The following MEI1 variants were observed in gnomAD, a reference collection of about 807,000 sequenced individuals.
MEI1 encodes the protein meiosis inhibitor protein 1.
MEI1 carries 103 observed loss-of-function variants against 146.2 expected under a neutral mutation model. That is an observed-to-expected ratio of 0.70 (90% CI 0.60 to 0.83). The LOEUF is 0.83. MEI1 is among the 40% of genes least tolerant of loss of function. MEI1 has a pLI of 0.00. For missense variants in MEI1, 1,529 were observed against 1,533.0 expected, an observed-to-expected ratio of 1.00 and a Z score of 0.04; for synonymous variants, 652 against 628.2, an observed-to-expected ratio of 1.04 and a Z score of -0.57.
intron 11 of MEI1, among the ~76,000 whole-genome samples, chr22:41,741,958 AAAG>A (rs910559960): frequency 2.0e-5 from 3 of 151,284 alleles, no homozygotes; most frequent in Non-Finnish European, 2.9e-5. Context: ...AAAAAAAAAA[AAAG>A]AGAAAAGAAA....
At position 41,745,942 on chromosome 22, in the gene MEI1, C is replaced by T. The variant is rs779252640; in HGVS notation, c.1596C>T (p.Pro532=). Residue 532 remains proline (P), a synonymous_variant, in exon 14 of 31, where the codon CCC becomes CCT. Coordinates refer to ENST00000401548, the MANE Select transcript of MEI1 (RefSeq NM_152513.4). ...CCCAGGAGAATCCATTCACAGCTCC[C>T]AGCGCCAAGAAGGAAGACACCTTGG... ...PSAQENPFTA[P]SAKKEDTLEA... is the part of the protein sequence containing the mutation. 1,009 of 1,613,404 alleles carry T rather than the reference C, an allele frequency of 6.3e-4. 12 individuals carry two copies. The highest frequency in any genetic ancestry group is 3.5e-5 in the Non-Finnish European group (41 of 1,179,576).
At chr22:41,740,845 G>T (rs923999861) in intron 11 of MEI1, among the ~76,000 whole-genome samples, 2 of 152,040 alleles carry the variant, frequency 1.3e-5, no homozygotes, top group Non-Finnish European at 2.9e-5. Flanking sequence ...AAGGAAAGGG[G>T]AAATCAAGCC....
chr22:41,716,470 G>A (rs1221633986), intron 5 of MEI1, among the ~76,000 whole-genome samples: 1 of 143,902 alleles, frequency 6.9e-6, no homozygotes, highest in Non-Finnish European at 1.5e-5. Context: ...TCCACCTCCC[G>A]GGTTCAAGCG....
At chr22:41,729,516 G>A (rs1260623661) in intron 7 of MEI1, 149 bp from the exon 8 acceptor site, 3 of 657,208 alleles carry the variant, frequency 4.6e-6, no homozygotes, top group Non-Finnish European at 5.4e-6. Flanking sequence ...ATCCATAACT[G>A]CTCTCCTGAC....
At chr22:41,705,446 A>T in intron 2 of MEI1, 58 bp from the exon 3 acceptor site, 1 of 1,464,408 alleles carries the variant, frequency 6.8e-7, no homozygotes. Context: ...GCTGGGGTAC[A>T]GATGTGTGCC....
chr22:41,727,191 G>A (rs1474686943), intron 7 of MEI1, among the ~76,000 whole-genome samples: 2 of 151,966 alleles, frequency 1.3e-5, no homozygotes, highest in Non-Finnish European at 2.9e-5. Flanking sequence ...ATCTTTACCA[G>A]ACATTAGTAG....
intron 7 of MEI1, among the ~76,000 whole-genome samples, chr22:41,724,664 A>C (rs1056996248): frequency 4.0e-5 from 6 of 150,922 alleles, no homozygotes; most frequent in Non-Finnish European, 7.4e-5. Context: ...GGTGGTATGC[A>C]CCTGTAATCC....
At chr22:41,785,697 G>A (rs1470653048) in intron 26 of MEI1, among the ~76,000 whole-genome samples, 1 of 151,446 alleles carries the variant, frequency 6.6e-6, no homozygotes, top group Non-Finnish European at 1.5e-5. Flanking sequence ...CCGAGTAGCT[G>A]GGATTACAGG....
Position 41,795,470 on chromosome 22 carries a change from A to C in MEI1, c.3594A>C (p.Gln1198His). ...ATGAAGAGGTGGGTGATGTTCTGCA[A>C]GGTGTGGCTTTGGCTGACCTGTCTA... is the stretch of plus-strand genomic sequence containing the variant. ...LSHEEVGDVL[Q>H]GVALADLSTL... The change falls in exon 29 of 31, where the codon CAA becomes CAC. Residue 1198 changes from glutamine to histidine, a missense_variant. Physicochemically the swap from Gln to His is conservative, Grantham distance 24. Transcript: ENST00000401548. The surrounding 1 kb of genome is among the most constrained non-coding windows in gnomAD (Gnocchi z 4.2). The C allele has an allele frequency of 6.2e-7, 1 of 1,613,560 alleles. No individual in the cohort carries two copies. Among genetic ancestry groups the C allele is most frequent in the Non-Finnish European group, 8.5e-7 (1 of 1,179,816 alleles).
At chr22:41,723,064 A>G (rs2071009848) in intron 6 of MEI1, among the ~76,000 whole-genome samples, 1 of 152,130 alleles carries the variant, frequency 6.6e-6, no homozygotes, top group African/African-American at 2.4e-5. Context: ...ACTTTTACGT[A>G]CTTATTTTTC....
At chr22:41,785,882 T>A (rs2075956946) in intron 26 of MEI1, among the ~76,000 whole-genome samples, 1 of 134,678 alleles carries the variant, frequency 7.4e-6, no homozygotes, top group South Asian at 2.3e-4. Flanking sequence ...TTTTTTTATT[T>A]TTTTATTTTT....
chr22:41,777,986 C>T (rs944934870), intron 21 of MEI1, among the ~76,000 whole-genome samples: 9 of 150,544 alleles, frequency 6.0e-5, no homozygotes, highest in African/African-American at 2.2e-4. Context: ...CCTCCTTCTC[C>T]CCTCCCTCCT....
Position 41,743,141 on chromosome 22 carries a change from A to G in MEI1, c.1393A>G (p.Met465Val). The G allele has an allele frequency of 6.2e-7, 1 of 1,613,374 alleles. No individual in the cohort carries two copies. The highest frequency in any genetic ancestry group is 8.5e-7 in the Non-Finnish European group (1 of 1,179,800). The change falls in exon 12 of 31, where the codon ATG becomes GTG. Residue 465 changes from methionine (M) to valine (V), a missense_variant. Coordinates refer to ENST00000401548, the MANE Select transcript of MEI1 (RefSeq NM_152513.4). ...GGAACTGCAGGCTTTGCTAGAAGCC[A>G]TGCTAAACCGATGTGCGGAGTTTTC... ...YGELQALLEA[M>V]LNRCAEFSQT...
In MEI1 at chr22:41,742,175, G is replaced by A. The variant is rs190927656; in HGVS notation, c.1332-905G>A. 3.0e-3 allele frequency among the ~76,000 whole-genome samples: 457 copies of A among 152,138 alleles called. 4 individuals are homozygous for A. Among genetic ancestry groups the A allele is most frequent in the African/African-American group, 0.01 (430 of 41,492 alleles). ...CTCAGGTGGCTGAGGCAGGAGAATT[G>A]CTTGGATCTGGGAGATGGAGGTTGC... On this transcript the variant is annotated intron_variant, in intron 11 of 30. Coordinates refer to ENST00000401548, the MANE Select transcript of MEI1 (RefSeq NM_152513.4).
At chr22:41,797,541 G>A (rs1217773675) in intron 30 of MEI1, among the ~76,000 whole-genome samples, 1 of 152,004 alleles carries the variant, frequency 6.6e-6, no homozygotes, top group South Asian at 2.1e-4. Flanking sequence ...GAACTTGGGC[G>A]GCAGAGGTTG....
intron 14 of MEI1, among the ~76,000 whole-genome samples, chr22:41,747,648 G>A (rs1430695379): frequency 1.3e-5 from 2 of 151,952 alleles, no homozygotes; most frequent in Non-Finnish European, 2.9e-5. Flanking sequence ...AGGTTTCAAT[G>A]AGCCGAGATC....
chr22:41,793,809 T>TC lies in MEI1; in HGVS notation c.3346-20_3346-19insC. On this transcript the variant is annotated intron_variant, in intron 26 of 30. Coordinates refer to ENST00000401548, the MANE Select transcript of MEI1 (RefSeq NM_152513.4). ...ATTGGTAGCAAAACCTGACCTGATT[T>TC]TTTTTTTTTTTTTCTGCAGAAGGAC... 1 of 1,462,640 alleles carries TC rather than the reference T, an allele frequency of 6.8e-7. No homozygotes were observed. The highest frequency in any genetic ancestry group is 2.4e-5 in the East Asian group (1 of 41,364). 90.6% of individuals were successfully genotyped at this position (1,462,640 alleles called of 1,614,324 possible). A position where few individuals can be genotyped will look rare whatever the true frequency, so the allele number is the denominator to read the frequency against.
At chr22:41,730,904 G>A (rs2071801028) in intron 9 of MEI1, among the ~76,000 whole-genome samples, 1 of 152,132 alleles carries the variant, frequency 6.6e-6, no homozygotes, top group African/African-American at 2.4e-5. Flanking sequence ...AATTCCTGTT[G>A]CATGTTAACA....
chr22:41,797,036 C>A (rs983183371), intron 30 of MEI1, among the ~76,000 whole-genome samples: 8 of 152,044 alleles, frequency 5.3e-5, no homozygotes, highest in African/African-American at 1.7e-4. Flanking sequence ...CTTGCTTTGT[C>A]ACCCAGGCTG....
Sources: allele counts gnomAD v4.1 joint callset (sites outside exome capture counted in the v4.1 genomes callset), GRCh38; gene constraint gnomAD v4.1.1; non-coding constraint Gnocchi (gnomAD v3.1); transcripts MANE v1.5; gene names NCBI Gene and HGNC (gene_info 2026-07-23, HGNC 2026-07-21).